Variants in NRG1 observed in about 807,000 individuals in gnomAD.
NRG1 encodes neuregulin 1, also known as pro-neuregulin-1, membrane-bound isoform.
In NRG1, 18 loss-of-function variants were observed where a neutral mutation model predicts 63.8. That is an observed-to-expected ratio of 0.28 (90% CI 0.19 to 0.42). The LOEUF (loss-of-function observed/expected upper bound fraction) is 0.42. NRG1 is among the 10% of genes least tolerant of loss of function. The pLI is 1.00. For synonymous variants in NRG1, 302 were observed against 301.3 expected, an observed-to-expected ratio of 1.00 and a Z score of -0.02; for missense variants, 762 against 814.7, an observed-to-expected ratio of 0.94 and a Z score of 0.79.
At chr8:32,281,316 G>T (rs1424060508) in intron 1 of NRG1, among the ~76,000 whole-genome samples, 5 of 151,194 alleles carry the variant, frequency 3.3e-5, no homozygotes. Flanking sequence ...TAGTTGGGAT[G>T]ACAGGCACCT....
At chr8:31,775,615 C>T (rs577806659) in intron 1 of NRG1, among the ~76,000 whole-genome samples, 11 of 152,160 alleles carry the variant, frequency 7.2e-5, no homozygotes, top group South Asian at 2.1e-4. Flanking sequence ...TGGCCGGGTG[C>T]GGTGGCTCAC....
intron 1 of NRG1, 75 bp downstream of exon 1, chr8:32,548,901 TG>T (rs1833518211): frequency 6.8e-7 from 1 of 1,469,934 alleles, no homozygotes; most frequent in Non-Finnish European, 9.0e-7. Flanking sequence ...TCGGATGCCG[TG>T]GCCTCTCCCT....
chr8:31,822,257 A>G (rs1586644819), intron 1 of NRG1, among the ~76,000 whole-genome samples: 1 of 152,322 alleles, frequency 6.6e-6, no homozygotes, highest in East Asian at 1.9e-4. Flanking sequence ...AGGAGCACTA[A>G]GAGTGTGGAA....
intron 1 of NRG1, among the ~76,000 whole-genome samples, chr8:32,343,539 A>G (rs1465377828): frequency 6.6e-6 from 1 of 152,194 alleles, no homozygotes; most frequent in African/African-American, 2.4e-5. Flanking sequence ...ATTTACTCAC[A>G]ATACACACAC....
At chr8:31,861,021 T>C (rs944698689) in intron 1 of NRG1, among the ~76,000 whole-genome samples, 3 of 152,228 alleles carry the variant, frequency 2.0e-5, no homozygotes, top group Non-Finnish European at 4.4e-5. Context: ...TTTTCTCTGA[T>C]AAACCTGCCA....
At chr8:32,219,267 C>A (rs1260586900) in intron 1 of NRG1, among the ~76,000 whole-genome samples, 1 of 152,128 alleles carries the variant, frequency 6.6e-6, no homozygotes, top group East Asian at 1.9e-4. Context: ...AAATAAATGC[C>A]ATTTCTGGCA....
At chr8:31,970,332 T>C (rs1474360321) in intron 1 of NRG1, among the ~76,000 whole-genome samples, 1 of 152,196 alleles carries the variant, frequency 6.6e-6, no homozygotes, top group African/African-American at 2.4e-5. Flanking sequence ...AGTCTTCATT[T>C]CCTTAAGTTC....
At chr8:32,025,681 C>T (rs1205709406) in intron 1 of NRG1, among the ~76,000 whole-genome samples, 1 of 152,020 alleles carries the variant, frequency 6.6e-6, no homozygotes, top group African/African-American at 2.4e-5. Flanking sequence ...GGCACAGTGG[C>T]TCACGCCTGT....
Position 32,652,981 on chromosome 8 carries a change from G to A in NRG1, c.502+36096G>A, listed in dbSNP as rs531154992. On this transcript the variant is annotated intron_variant, in intron 5 of 11. Coordinates refer to ENST00000356819, the Ensembl canonical transcript of NRG1. ...CTTGTTTAGATGCCCCTGAGAACCA[G>A]GAATATAACTTGTCCACAGAGTCCA... Among the ~76,000 whole-genome samples the A allele has an allele frequency of 1.2e-4, 19 of 152,240 alleles. No homozygotes were observed. In the South Asian group the frequency reaches 3.5e-3, roughly 28 times the overall value.
chr8:32,210,475 C>A (rs1844584418), intron 1 of NRG1, among the ~76,000 whole-genome samples: 1 of 152,202 alleles, frequency 6.6e-6, no homozygotes. Flanking sequence ...GATCCATGAG[C>A]AATCCCTGGA....
At chr8:32,329,161 T>A (rs576598531) in intron 1 of NRG1, among the ~76,000 whole-genome samples, 1 of 152,038 alleles carries the variant, frequency 6.6e-6, no homozygotes, top group Non-Finnish European at 1.5e-5. Context: ...TAGAGGTGGG[T>A]TTTCCCTATG....
chr8:32,482,006 T>C (rs1342134224), intron 1 of NRG1, among the ~76,000 whole-genome samples: 1 of 152,204 alleles, frequency 6.6e-6, no homozygotes, highest in Non-Finnish European at 1.5e-5. Context: ...TAAGATGAGT[T>C]TATTTTTCAT....
chr8:32,772,041 G>A (rs1179282532), downstream of NRG1, among the ~76,000 whole-genome samples: 500 of 10,218 alleles, frequency 0.049, 15 homozygotes, highest in Non-Finnish European at 0.12. Flanking sequence ...AAAAAAATAT[G>A]TATATATATA....
intron 1 of NRG1, among the ~76,000 whole-genome samples, chr8:32,083,291 T>C (rs1198995319): frequency 6.6e-6 from 1 of 152,250 alleles, no homozygotes; most frequent in African/African-American, 2.4e-5. Flanking sequence ...TCAAAAATAC[T>C]GTTTTATTAA....
intron 1 of NRG1, among the ~76,000 whole-genome samples, chr8:31,719,155 T>G (rs928777815): frequency 1.1e-4 from 16 of 152,168 alleles, no homozygotes; most frequent in Admixed American, 2.6e-4. Flanking sequence ...CTATGTTCCC[T>G]CCTAAAGATA....
intron 1 of NRG1, among the ~76,000 whole-genome samples, chr8:31,686,400 CTGA>C (rs940957590): frequency 6.6e-6 from 1 of 152,050 alleles, no homozygotes; most frequent in Non-Finnish European, 1.5e-5. Flanking sequence ...TCTTCCTGAA[CTGA>C]TGAAATTCAT....
chr8:32,607,118 TA>T (rs1845414067), intron 3 of NRG1, among the ~76,000 whole-genome samples: 1 of 152,174 alleles, frequency 6.6e-6, no homozygotes, highest in Admixed American at 6.5e-5. Context: ...TATTACAGTT[TA>T]AAATGTAAAA....
At chr8:32,506,466 A>G (rs1054569057) in intron 1 of NRG1, among the ~76,000 whole-genome samples, 1 of 152,182 alleles carries the variant, frequency 6.6e-6, no homozygotes, top group Non-Finnish European at 1.5e-5. Context: ...CCAATATTCT[A>G]TTCTATGATT....
chr8:32,285,964 G>A (rs1406032795), intron 1 of NRG1, among the ~76,000 whole-genome samples: 1 of 152,148 alleles, frequency 6.6e-6, no homozygotes, highest in Admixed American at 6.5e-5. Flanking sequence ...TGTTTACAAG[G>A]TAGCTATAAG....
Sources: allele counts gnomAD v4.1 joint callset (sites outside exome capture counted in the v4.1 genomes callset), GRCh38; gene constraint gnomAD v4.1.1; transcripts MANE v1.5; gene names NCBI Gene and HGNC (gene_info 2026-07-23, HGNC 2026-07-21).